The following PCLO variants were observed in gnomAD, a reference collection of about 807,000 sequenced individuals.
PCLO encodes the protein protein piccolo.
PCLO carries 82 observed loss-of-function variants against 427.5 expected under a neutral mutation model. The observed-to-expected ratio is 0.19, with a 90% CI of 0.16 to 0.23. The LOEUF (loss-of-function observed/expected upper bound fraction) is 0.23, where lower values mean the gene tolerates loss of function less well. Among genes scored for constraint, PCLO ranks in the 10% least tolerant of loss-of-function variants. The pLI is 1.00. For synonymous variants in PCLO, 2,357 were observed against 2,155.4 expected (o/e 1.09, Z -2.59); for missense variants, 6,239 against 6,115.9 (o/e 1.02, Z -0.67).
At chr7:83,087,894 T>C (rs1790279100) in intron 3 of PCLO, among the ~76,000 whole-genome samples, 1 of 152,148 alleles carries the variant, frequency 6.6e-6, no homozygotes, top group East Asian at 1.9e-4. Flanking sequence ...CATAAAAAGA[T>C]TTTCATGGAC....
At chr7:82,995,031 G>A (rs1023424702) in intron 3 of PCLO, among the ~76,000 whole-genome samples, 1 of 151,968 alleles carries the variant, frequency 6.6e-6, no homozygotes, top group African/African-American at 2.4e-5. Context: ...GCAATGTTTA[G>A]GCTATGAAGT....
rs557655910 is a variant in PCLO, at chr7:82,838,802, T to C, written c.14098-460A>G. On this transcript the variant is annotated intron_variant, in intron 14 of 24. Transcript: ENST00000333891. ...GAACTGTCATTTAAAGATAAAGCTG[T>C]CAGCACTGAAATGTAAGAATATTTA... 3.3e-5 allele frequency among the ~76,000 whole-genome samples: 5 copies of C among 152,088 alleles called. No individual in the cohort carries two copies. In the East Asian group the frequency reaches 9.7e-4, roughly 29 times the overall value.
At chr7:82,875,860 A>G (rs897595721) in intron 10 of PCLO, among the ~76,000 whole-genome samples, 4 of 152,240 alleles carry the variant, frequency 2.6e-5, no homozygotes, top group South Asian at 2.1e-4. Context: ...AAAGTCTGTG[A>G]TAAGAGAAAT....
chr7:82,813,991 AAATT>A (rs1401487661), intron 20 of PCLO, among the ~76,000 whole-genome samples: 1 of 151,834 alleles, frequency 6.6e-6, no homozygotes, highest in Non-Finnish European at 1.5e-5. Flanking sequence ...ATGGAAGATG[AAATT>A]AATTGATAAT....
At chr7:82,908,746 T>C (rs1794251257) in intron 8 of PCLO, 131 bp downstream of exon 8, 2 of 796,372 alleles carry the variant, frequency 2.5e-6, no homozygotes, top group African/African-American at 1.7e-5. Context: ...CTCCTTTATG[T>C]TATTGGAAAA....
intron 3 of PCLO, among the ~76,000 whole-genome samples, chr7:82,994,144 C>T (rs547106286): frequency 3.4e-4 from 51 of 152,014 alleles, no homozygotes; most frequent in African/African-American, 1.2e-3. Context: ...CAAGATATAA[C>T]ACAAATATAA....
chr7:82,793,738 T>G (rs759017516), intron 22 of PCLO, among the ~76,000 whole-genome samples: 2 of 152,212 alleles, frequency 1.3e-5, no homozygotes, highest in Non-Finnish European at 2.9e-5. Context: ...TCAGGTGTTC[T>G]TTATGCCTGC....
Position 83,097,191 on chromosome 7 carries a change from ATATT to A in PCLO, c.3300+37055_3300+37058del, listed in dbSNP as rs1450722891. Among the ~76,000 whole-genome samples the A allele has an allele frequency of 5.0e-4, 62 of 125,234 alleles. 5 individuals carry two copies. The highest frequency in any genetic ancestry group is 1.8e-3 in the African/African-American group (60 of 33,234). The allele number at this position is 125,234 out of a possible 152,430, so 82.2% of individuals were successfully genotyped here. On this transcript the variant is annotated intron_variant, in intron 3 of 24. Transcript: ENST00000333891. ...AAATATATATTATATATTATATATT[ATATT>A]ATTATATAAATTATATAAATCTTTT...
intron 3 of PCLO, among the ~76,000 whole-genome samples, chr7:82,980,857 G>A (rs1796131457): frequency 6.6e-6 from 1 of 152,132 alleles, no homozygotes; most frequent in Non-Finnish European, 1.5e-5. Flanking sequence ...AGAATATGTT[G>A]AGCATCAGAC....
chr7:83,121,093 C>G (rs747004083), intron 3 of PCLO, among the ~76,000 whole-genome samples: 11 of 151,978 alleles, frequency 7.2e-5, no homozygotes, highest in Admixed American at 3.9e-4. Flanking sequence ...ACCATCCTGG[C>G]TAACAAGGTG....
chr7:82,757,559 T>C lies in PCLO; in HGVS notation c.*1016A>G, dbSNP rs1790344204. On this transcript the variant is annotated 3_prime_UTR_variant, in exon 25 of 25. Coordinates refer to ENST00000333891, the MANE Select transcript of PCLO (RefSeq NM_033026.6). ...CATTTAATTAATCAATGTCACAAGA[T>C]TAATATGGTTTGTTTGCCAGAGAAA... is the stretch of plus-strand genomic sequence containing the variant. 3.3e-5 allele frequency: 5 copies of C among 151,862 alleles called. No individual in the cohort carries two copies. Among genetic ancestry groups the C allele is most frequent in the Non-Finnish European group, 5.9e-5 (4 of 67,898 alleles). 9.4% of individuals were successfully genotyped at this position (151,862 alleles called of 1,614,324 possible).
Position 82,953,991 on chromosome 7 carries a change from C to T in PCLO, c.6962G>A (p.Arg2321Lys), listed in dbSNP as rs1795438368. The T allele has an allele frequency of 3.1e-6, 5 of 1,613,844 alleles. No homozygotes were observed. Among genetic ancestry groups the T allele is most frequent in the Non-Finnish European group, 4.2e-6 (5 of 1,179,864 alleles). ...GIILEVLEAY[R>K]DKKELEAERT... ...TTCGGCCTCCAACTCCTTTTTATCT[C>T]TGTAAGCTTCCAAAACTTCCAGAAT... The change falls in exon 5 of 25, where the codon AGA (arginine) becomes AAA (lysine). Residue 2321 changes from arginine to lysine, a missense_variant. This residue lies in a region of PCLO where 4,677 missense variants were observed against 4,468.4 expected (regional missense o/e 1.05). Transcript: ENST00000333891.
intron 3 of PCLO, among the ~76,000 whole-genome samples, chr7:83,044,791 A>G (rs1789065103): frequency 6.6e-6 from 1 of 152,158 alleles, no homozygotes; most frequent in Non-Finnish European, 1.5e-5. Context: ...TATTGATTCG[A>G]TATCTAAAAT....
At position 82,877,876 on chromosome 7, in the gene PCLO, T is replaced by A. The variant is rs561794010; in HGVS notation, c.13654+1461A>T. On this transcript the variant is annotated intron_variant, in intron 10 of 24. Transcript: ENST00000333891. ...TAGTAGAGACAGGGTTTCTCCATGT[T>A]GGCCAGGCTAGTCTTGAGCTGCTGG... Among the ~76,000 whole-genome samples the A allele has an allele frequency of 2.5e-4, 38 of 152,264 alleles. 1 individual carries two copies. Among genetic ancestry groups the A allele is most frequent in the African/African-American group, 8.4e-4 (35 of 41,552 alleles).
intron 3 of PCLO, among the ~76,000 whole-genome samples, chr7:83,113,692 A>G (rs966445939): frequency 2.6e-5 from 4 of 152,178 alleles, no homozygotes; most frequent in Non-Finnish European, 5.9e-5. Context: ...CCTGGCACTC[A>G]TAGAACTTGC....
At position 83,143,052 on chromosome 7, in the gene PCLO, G is replaced by A. The variant is rs1175071371; in HGVS notation, c.1894-7396C>T. Among the ~76,000 whole-genome samples, 6 of 152,174 alleles carry A rather than the reference G, an allele frequency of 3.9e-5. 1 individual carries two copies. The highest frequency in any genetic ancestry group is 3.3e-4 in the Admixed American group (5 of 15,284). On this transcript the variant is annotated intron_variant, in intron 2 of 24. Coordinates refer to ENST00000333891, the MANE Select transcript of PCLO (RefSeq NM_033026.6). Reference sequence around the variant, plus strand: ...TATTTAACGGTAAACTATGCAAAAGGCTTTTCTCCTATTTCTCATCATATT... The same window carrying A: ...TATTTAACGGTAAACTATGCAAAAGACTTTTCTCCTATTTCTCATCATATT...
chr7:83,130,567 T>C (rs80144346), intron 3 of PCLO, among the ~76,000 whole-genome samples: 5,647 of 152,300 alleles, frequency 0.037, 354 homozygotes, highest in African/African-American at 0.13. Flanking sequence ...TTTTAGCCTT[T>C]AATTTCTTTT....
At chr7:82,840,615 ACT>A (rs1047426510) in intron 14 of PCLO, among the ~76,000 whole-genome samples, 12 of 151,938 alleles carry the variant, frequency 7.9e-5, no homozygotes, top group African/African-American at 2.9e-4. Flanking sequence ...CTTTAATTGT[ACT>A]CTTTCTTCTC....
intron 22 of PCLO, among the ~76,000 whole-genome samples, chr7:82,782,231 T>C (rs932877469): frequency 6.6e-6 from 1 of 152,164 alleles, no homozygotes; most frequent in African/African-American, 2.4e-5. Context: ...ATCTGTAATT[T>C]GGTGTGTGGG....
Sources: gnomAD v4.1 joint callset for allele counts (sites outside exome capture counted in the v4.1 genomes callset) on GRCh38, gnomAD v4.1.1 for gene constraint, gnomAD v4.1.1 regional missense constraint, MANE v1.5 for transcripts, NCBI Gene and HGNC (gene_info 2026-07-23, HGNC 2026-07-21) for gene names.